ANK1: variants seen among roughly 807,000 people sequenced by gnomAD.
ANK1 encodes the protein ankyrin-1.
In ANK1, 51 loss-of-function variants were observed where a neutral mutation model predicts 210.4. That is an observed-to-expected ratio of 0.24 (90% CI 0.19 to 0.31). ANK1 has a LOEUF of 0.31. Among genes scored for constraint, ANK1 ranks in the 10% least tolerant of loss-of-function variants. The probability of loss-of-function intolerance (pLI) is 1.00; values close to 1 mark genes in which losing one functional copy is unlikely to be tolerated. For synonymous variants in ANK1, 967 were observed against 1,025.9 expected (o/e 0.94, Z 1.10); for missense variants, 2,051 against 2,504.4 (o/e 0.82, Z 3.86).
At position 41,827,818 on chromosome 8, in the gene ANK1, TACAC is replaced by T. The variant is rs1194842781; in HGVS notation, c.126+68533_126+68536del. Among the ~76,000 whole-genome samples the T allele has an allele frequency of 1.9e-3, 179 of 96,084 alleles. 1 individual carries two copies. The highest frequency in any genetic ancestry group is 6.7e-3 in the African/African-American group (162 of 24,308). 63.0% of individuals were successfully genotyped at this position (96,084 alleles called of 152,430 possible). ...ATGCACACTCACGCACACACCCACA[TACAC>T]ACACGCACTCACACATGCACACACG... On this transcript the variant is annotated intron_variant, in intron 1 of 42. Transcript: ENST00000265709.
At chr8:41,737,423 G>A (rs978515960) in intron 2 of ANK1, among the ~76,000 whole-genome samples, 13 of 152,106 alleles carry the variant, frequency 8.5e-5, no homozygotes, top group African/African-American at 1.4e-4. Context: ...TTGTGACCTC[G>A]GCAATTGATC....
chr8:41,689,242 G>A (rs1818579476), intron 33 of ANK1, among the ~76,000 whole-genome samples: 1 of 151,828 alleles, frequency 6.6e-6, no homozygotes, highest in African/African-American at 2.4e-5. Context: ...TTCTGCCTCA[G>A]CCTCTCGAGT....
chr8:41,860,307 AC>A (rs1262940350), intron 1 of ANK1, among the ~76,000 whole-genome samples: 1 of 152,180 alleles, frequency 6.6e-6, no homozygotes, highest in African/African-American at 2.4e-5. Context: ...GTGAGGTTTC[AC>A]CTTGGCTTTG....
chr8:41,859,608 G>A (rs1191169889), intron 1 of ANK1, among the ~76,000 whole-genome samples: 2 of 152,272 alleles, frequency 1.3e-5, no homozygotes, highest in African/African-American at 4.8e-5. Flanking sequence ...CCAAAGTGCT[G>A]AGATTACAGG....
chr8:41,797,457 G>A lies in ANK1; in HGVS notation c.27+55C>T. ...CGCGTGCTGCCTACTGGCGCGGCCT[G>A]GGTGGCCCCCTCCTGACATCTCCCC... On this transcript the variant is annotated intron_variant, in intron 1 of 42. Coordinates refer to ENST00000289734, the MANE Select transcript of ANK1 (RefSeq NM_000037.4). The surrounding 1 kb of genome is among the most constrained non-coding windows in gnomAD (Gnocchi z 4.0). 1 of 1,541,540 alleles carries A rather than the reference G, an allele frequency of 6.5e-7. No homozygotes were observed. Among genetic ancestry groups the A allele is most frequent in the Non-Finnish European group, 8.9e-7 (1 of 1,123,110 alleles).
chr8:41,882,047 G>A (rs1045391173), intron 1 of ANK1, among the ~76,000 whole-genome samples: 6 of 152,056 alleles, frequency 3.9e-5, no homozygotes, highest in African/African-American at 7.3e-5. Flanking sequence ...GTTATAAATC[G>A]GGACTTTGGA....
intron 1 of ANK1, among the ~76,000 whole-genome samples, chr8:41,812,439 T>C (rs938458014): frequency 4.6e-5 from 7 of 152,200 alleles, no homozygotes; most frequent in African/African-American, 1.7e-4. Context: ...TGGCCAGCCA[T>C]GGAAGGTCAA....
intron 38 of ANK1, among the ~76,000 whole-genome samples, chr8:41,670,028 A>G (rs564146974): frequency 6.6e-6 from 1 of 152,066 alleles, no homozygotes; most frequent in South Asian, 2.1e-4. Flanking sequence ...TCCCCTGGCC[A>G]CCCATCTGTA....
rs112848649 is a variant in ANK1, at chr8:41,664,672, C to T, written c.5395-930G>A. 6,698 of 894,092 alleles carry T rather than the reference C, an allele frequency of 7.5e-3. 300 individuals are homozygous for T. In the African/African-American group the frequency reaches 0.097, roughly 13 times the overall value. The allele number at this position is 894,092 out of a possible 1,614,324, so 55.4% of individuals were successfully genotyped here. ...TGGCTCCCAGGGTGGAACATGATCCCTGGGGGCCTCCTGGTCCTTTTCCTC... is the reference window on the plus strand; with the variant it reads ...TGGCTCCCAGGGTGGAACATGATCCTTGGGGGCCTCCTGGTCCTTTTCCTC... On this transcript the variant is annotated intron_variant, in intron 39 of 42. Transcript: ENST00000289734.
intron 22 of ANK1, 90 bp from the exon 23 acceptor site, chr8:41,699,638 G>GAGCAAGCCCCCAGA: frequency 7.9e-7 from 1 of 1,258,718 alleles, no homozygotes; most frequent in Non-Finnish European, 1.2e-6. Flanking sequence ...TCCGCCTCTG[G>GAGCAAGCCCCCAGA]GGGCTTGCTC....
rs139550171 is a variant in ANK1, at chr8:41,717,652, G to A, written c.1257C>T (p.Ile419=). The part of the protein sequence containing the change: ...HVASFMGHLP[I]VKNLLQRGAS... ...CCCCCCGCTGCAGGAGGTTCTTCACGATGGGAAGGTGCCCCATGAAGGAGG... is the reference window on the plus strand; with the variant it reads ...CCCCCCGCTGCAGGAGGTTCTTCACAATGGGAAGGTGCCCCATGAAGGAGG... Residue 419 remains isoleucine (I), a synonymous_variant, in exon 12 of 43, where the codon ATC becomes ATT. Transcript: ENST00000289734. The A allele has an allele frequency of 1.7e-4, 259 of 1,551,694 alleles. 2 individuals carry two copies. The African/African-American group carries it at 3.1e-3, about 19-fold the overall frequency.
At chr8:41,833,314 C>T (rs906365558) in intron 1 of ANK1, among the ~76,000 whole-genome samples, 1 of 152,230 alleles carries the variant, frequency 6.6e-6, no homozygotes, top group Admixed American at 6.5e-5. Context: ...CTTCACCTTC[C>T]AAGTGCCCCG....
At chr8:41,860,281 G>A (rs1451628310) in intron 1 of ANK1, among the ~76,000 whole-genome samples, 2 of 152,102 alleles carry the variant, frequency 1.3e-5, no homozygotes, top group African/African-American at 2.4e-5. Flanking sequence ...GCCCAGATGC[G>A]GCCTCCAAGC....
chr8:41,662,875 G>A (rs967472762), intron 40 of ANK1, among the ~76,000 whole-genome samples: 2 of 151,902 alleles, frequency 1.3e-5, no homozygotes, highest in Non-Finnish European at 2.9e-5. Context: ...TCATGTCTCT[G>A]AGTTAATATC....
intron 1 of ANK1, among the ~76,000 whole-genome samples, chr8:41,864,971 G>A (rs1197792311): frequency 1.3e-5 from 2 of 152,248 alleles, no homozygotes; most frequent in Non-Finnish European, 2.9e-5. Context: ...CACATGGCAA[G>A]AGGGGACCAG....
At chr8:41,673,131 T>C (rs1353926732) in intron 37 of ANK1, among the ~76,000 whole-genome samples, 1 of 151,952 alleles carries the variant, frequency 6.6e-6, no homozygotes, top group African/African-American at 2.4e-5. Flanking sequence ...AGGCTCTGAA[T>C]TGGGTGGGGG....
intron 1 of ANK1, among the ~76,000 whole-genome samples, chr8:41,895,366 G>A (rs1209394779): frequency 4.6e-5 from 7 of 152,070 alleles, no homozygotes; most frequent in Admixed American, 3.3e-4. Flanking sequence ...TTACACCCAC[G>A]TACTCTTGGC....
intron 21 of ANK1, 50 bp from the exon 22 acceptor site, chr8:41,701,672 T>G (rs755567454): frequency 2.5e-6 from 4 of 1,572,450 alleles, no homozygotes; most frequent in Non-Finnish European, 2.6e-6. Flanking sequence ...GCCGCACACA[T>G]TTTTTACCAG....
rs549967643 is a variant in ANK1, at chr8:41,680,456, G to A, written c.4537+4088C>T. Among the ~76,000 whole-genome samples, 66 of 151,804 alleles carry A rather than the reference G, an allele frequency of 4.3e-4. 1 individual carries two copies. In the South Asian group the frequency reaches 0.012, roughly 27 times the overall value. On this transcript the variant is annotated intron_variant, in intron 37 of 42. Transcript: ENST00000289734. ...CGGGCACCTGTAGTCCCAGCTACTC[G>A]AGAGGCTGAGGCAGGAGAATCACTT...
Sources: allele counts gnomAD v4.1 joint callset (sites outside exome capture counted in the v4.1 genomes callset), GRCh38; gene constraint gnomAD v4.1.1; non-coding constraint Gnocchi (gnomAD v3.1); transcripts MANE v1.5; gene names NCBI Gene and HGNC (gene_info 2026-07-23, HGNC 2026-07-21).